Variants in WWOX observed in about 807,000 individuals in gnomAD.
The protein encoded by WWOX is WW domain-containing oxidoreductase.
Under a neutral mutation model 46.2 loss-of-function variants are expected in WWOX, and 69 were observed. The observed-to-expected ratio is 1.49, with a 90% confidence interval of 1.23 to 1.82. The LOEUF (loss-of-function observed/expected upper bound fraction) is 1.82, where lower values mean the gene tolerates loss of function less well. WWOX is among the 40% of genes most tolerant of loss of function. The pLI is 0.00. For missense variants in WWOX, 919 were observed against 542.6 expected (o/e 1.69, Z -6.89); for synonymous variants, 359 against 202.6 (o/e 1.77, Z -6.56).
chr16:78,868,103 G>C (rs2044045972), intron 8 of WWOX, among the ~76,000 whole-genome samples: 1 of 152,142 alleles, frequency 6.6e-6, no homozygotes, highest in East Asian at 1.9e-4. Flanking sequence ...CATCATCCAT[G>C]ATAGCCAAAC....
intron 8 of WWOX, among the ~76,000 whole-genome samples, chr16:79,127,607 T>C (rs1043573985): frequency 5.9e-5 from 9 of 152,178 alleles, no homozygotes; most frequent in African/African-American, 2.2e-4. Context: ...CGTGCATGCA[T>C]GTATTTGCAG....
intron 8 of WWOX, among the ~76,000 whole-genome samples, chr16:78,961,496 G>C (rs991474598): frequency 1.3e-5 from 2 of 151,958 alleles, no homozygotes; most frequent in Admixed American, 6.6e-5. Flanking sequence ...TAGATGGATG[G>C]ATGCGTGGGT....
intron 8 of WWOX, chr16:78,825,900 G>A: frequency 1.4e-6 from 1 of 699,642 alleles, no homozygotes; most frequent in Non-Finnish European, 2.6e-6. Flanking sequence ...GACCACGTGA[G>A]CATCATGGAA....
intron 8 of WWOX, among the ~76,000 whole-genome samples, chr16:78,962,976 C>G (rs779005537): frequency 6.6e-6 from 1 of 152,126 alleles, no homozygotes; most frequent in African/African-American, 2.4e-5. Flanking sequence ...TATTGTCATT[C>G]TTCTTTCTCT....
chr16:79,096,558 A>G (rs2049078450), intron 8 of WWOX, among the ~76,000 whole-genome samples: 1 of 152,112 alleles, frequency 6.6e-6, no homozygotes, highest in Non-Finnish European at 1.5e-5. Context: ...AGCCTTCTCT[A>G]GATACCATCT....
intron 8 of WWOX, among the ~76,000 whole-genome samples, chr16:78,814,135 C>T (rs557375633): frequency 6.6e-6 from 1 of 152,186 alleles, no homozygotes; most frequent in African/African-American, 2.4e-5. Context: ...GAAGACAGAA[C>T]CCGGCCAGAT....
chr16:78,503,392 A>G (rs1250469175), intron 8 of WWOX, among the ~76,000 whole-genome samples: 2 of 152,074 alleles, frequency 1.3e-5, no homozygotes, highest in African/African-American at 4.8e-5. Flanking sequence ...TGAAATTCCT[A>G]TATCCCCCCC....
chr16:78,556,239 CAG>C (rs771909058), intron 8 of WWOX, among the ~76,000 whole-genome samples: 1 of 147,614 alleles, frequency 6.8e-6, no homozygotes, highest in Non-Finnish European at 1.5e-5. Flanking sequence ...TGGAAATAAA[CAG>C]GGTACTTTCC....
chr16:78,150,165 C>T (rs1472677027), intron 4 of WWOX, among the ~76,000 whole-genome samples: 1 of 152,134 alleles, frequency 6.6e-6, no homozygotes, highest in Non-Finnish European at 1.5e-5. Flanking sequence ...TGATAATTTG[C>T]TATAATGGCT....
chr16:78,497,726 T>C (rs181583092), intron 8 of WWOX, among the ~76,000 whole-genome samples: 121 of 152,316 alleles, frequency 7.9e-4, no homozygotes, highest in African/African-American at 2.8e-3. Flanking sequence ...AAATGTGGAC[T>C]CTCAGCAGGA....
chr16:78,275,385 C>G (rs2079558707), intron 5 of WWOX, among the ~76,000 whole-genome samples: 2 of 152,192 alleles, frequency 1.3e-5, no homozygotes, highest in Non-Finnish European at 2.9e-5. Flanking sequence ...CGGGTCAGCT[C>G]ACACCAACCA....
chr16:78,968,748 A>C (rs1191843448), intron 8 of WWOX, among the ~76,000 whole-genome samples: 1 of 152,106 alleles, frequency 6.6e-6, no homozygotes, highest in Non-Finnish European at 1.5e-5. Flanking sequence ...TGGTTTTAGG[A>C]ATCATTAGCA....
At chr16:78,638,207 C>G (rs2046620787) in intron 8 of WWOX, among the ~76,000 whole-genome samples, 1 of 152,180 alleles carries the variant, frequency 6.6e-6, no homozygotes, top group South Asian at 2.1e-4. Flanking sequence ...GATTTGTATT[C>G]CCATTTTGCA....
chr16:78,540,016 T>TCA lies in WWOX; in HGVS notation c.1056+107265_1056+107266insAC, dbSNP rs748514681. On this transcript the variant is annotated intron_variant, in intron 8 of 8. Coordinates refer to ENST00000566780, the MANE Select transcript of WWOX (RefSeq NM_016373.4). ...CTCTCTTTCTCTCTCTCTCTCTCTC[T>TCA]CTCTCACACACACACACACACACAC... 1.9e-3 allele frequency among the ~76,000 whole-genome samples: 227 copies of TCA among 120,798 alleles called. 1 individual carries two copies. The highest frequency in any genetic ancestry group is 4.5e-3 in the Middle Eastern group (1 of 224). The allele number at this position is 120,798 out of a possible 152,430, so 79.2% of individuals were successfully genotyped here.
chr16:78,622,566 T>G (rs1332810432), intron 8 of WWOX, among the ~76,000 whole-genome samples: 1 of 150,414 alleles, frequency 6.6e-6, no homozygotes, highest in African/African-American at 2.4e-5. Flanking sequence ...AGTGAACCCT[T>G]GTAGTTTCTT....
Position 78,228,788 on chromosome 16 carries a change from G to A in WWOX, c.516+64499G>A, listed in dbSNP as rs11863951. On this transcript the variant is annotated intron_variant, in intron 5 of 8. Transcript: ENST00000566780. The stretch of plus-strand genomic sequence containing the variant: ...ATCCTTCTTCATTTCAGAGTCTGCT[G>A]GAAGACCCTTCATTTACCACTCTCT... Among the ~76,000 whole-genome samples the A allele has an allele frequency of 4.4e-3, 671 of 152,288 alleles. 5 individuals carry two copies. Among genetic ancestry groups the A allele is most frequent in the African/African-American group, 0.015 (625 of 41,568 alleles).
rs542858631 is a variant in WWOX, at chr16:78,205,020, T to C, written c.516+40731T>C. ...TAAATAATTATGAATGAATAAACTG[T>C]TTTGTTGAAGACACTCTTATGGCAG... is the stretch of plus-strand genomic sequence containing the variant. On this transcript the variant is annotated intron_variant, in intron 5 of 8. Transcript: ENST00000566780. Among the ~76,000 whole-genome samples, 5 of 152,298 alleles carry C rather than the reference T, an allele frequency of 3.3e-5. No homozygotes were observed. The South Asian group carries it at 1.0e-3, about 32-fold the overall frequency.
intron 8 of WWOX, among the ~76,000 whole-genome samples, chr16:78,870,537 T>C (rs1337556359): frequency 6.6e-6 from 1 of 152,170 alleles, no homozygotes; most frequent in East Asian, 1.9e-4. Context: ...ACTGATCTTT[T>C]AAATATGTAA....
chr16:78,145,654 A>C (rs1041396306), intron 4 of WWOX, among the ~76,000 whole-genome samples: 1 of 152,134 alleles, frequency 6.6e-6, no homozygotes, highest in Non-Finnish European at 1.5e-5. Flanking sequence ...ACACCCAGGA[A>C]CAGCACCTTG....
Sources: allele counts gnomAD v4.1 joint callset (sites outside exome capture counted in the v4.1 genomes callset), GRCh38; gene constraint gnomAD v4.1.1; transcripts MANE v1.5; gene names NCBI Gene and HGNC (gene_info 2026-07-23, HGNC 2026-07-21).